The following TOGARAM1 variants were observed in gnomAD, a reference collection of about 807,000 sequenced individuals.
TOGARAM1 encodes TOG array regulator of axonemal microtubules protein 1.
TOGARAM1 carries 100 observed loss-of-function variants against 166.6 expected under a neutral mutation model. The observed-to-expected ratio is 0.60, with a 90% confidence interval of 0.51 to 0.71. TOGARAM1 has a LOEUF of 0.71. Among genes scored for constraint, TOGARAM1 ranks in the 30% least tolerant of loss-of-function variants. The pLI is 0.00. For missense variants in TOGARAM1, 2,029 were observed against 2,102.7 expected (o/e 0.96, Z 0.69); for synonymous variants, 758 against 763.8 (o/e 0.99, Z 0.13).
At chr14:44,973,257 C>CT (rs1054093803) in intron 1 of TOGARAM1, among the ~76,000 whole-genome samples, 7 of 151,006 alleles carry the variant, frequency 4.6e-5, no homozygotes, top group African/African-American at 1.7e-4. Context: ...TTTTAAATTA[C>CT]TTTTTTTTAG....
At chr14:45,055,754 A>C (rs910370413) in intron 16 of TOGARAM1, among the ~76,000 whole-genome samples, 1 of 146,130 alleles carries the variant, frequency 6.8e-6, no homozygotes, top group Non-Finnish European at 1.5e-5. Context: ...CAGTGAGCTG[A>C]GATCACGCCA....
At chr14:45,002,078 T>C (rs1887714517) in intron 3 of TOGARAM1, among the ~76,000 whole-genome samples, 1 of 152,194 alleles carries the variant, frequency 6.6e-6, no homozygotes, top group African/African-American at 2.4e-5. Context: ...TTGAAATTAG[T>C]AGAGAAGATT....
intron 11 of TOGARAM1, among the ~76,000 whole-genome samples, chr14:45,038,075 G>T (rs1283961111): frequency 6.6e-6 from 1 of 152,130 alleles, no homozygotes. Flanking sequence ...ACACTTCTTT[G>T]TATGTATTTT....
intron 1 of TOGARAM1, among the ~76,000 whole-genome samples, chr14:44,977,289 T>C (rs924798137): frequency 7.5e-5 from 11 of 147,118 alleles, no homozygotes; most frequent in African/African-American, 2.0e-4. Context: ...GGCTGGAGTG[T>C]AGTAGTGTGA....
chr14:45,040,418 C>T (rs1881667893), intron 11 of TOGARAM1, among the ~76,000 whole-genome samples: 2 of 151,890 alleles, frequency 1.3e-5, no homozygotes, highest in Non-Finnish European at 2.9e-5. Flanking sequence ...ACATGAAGCC[C>T]AAAGTAAGCA....
intron 16 of TOGARAM1, among the ~76,000 whole-genome samples, chr14:45,055,800 C>CAAAA (rs35535638): frequency 1.2e-3 from 56 of 47,280 alleles, no homozygotes; most frequent in African/African-American, 3.9e-3. Context: ...GACTCCATCT[C>CAAAA]AAAAAAAAAA....
intron 1 of TOGARAM1, among the ~76,000 whole-genome samples, chr14:44,973,334 A>T (rs1885997246): frequency 6.6e-6 from 1 of 151,882 alleles, no homozygotes; most frequent in Non-Finnish European, 1.5e-5. Flanking sequence ...CAGTAACAAT[A>T]TACTGCTTCA....
Position 45,074,157 on chromosome 14 carries a change from C to T in TOGARAM1, c.*596C>T, listed in dbSNP as rs879636394. 3 of 152,588 alleles carry T rather than the reference C, an allele frequency of 2.0e-5. No individual in the cohort carries two copies. The highest frequency in any genetic ancestry group is 4.4e-5 in the Non-Finnish European group (3 of 68,030). 9.5% of individuals were successfully genotyped at this position (152,588 alleles called of 1,614,324 possible). ...TGAAATTTAACAAGTTATAATAAAG[C>T]ATGACAACCAAAGTTTTAGAAAACA... On this transcript the variant is annotated 3_prime_UTR_variant, in exon 20 of 20. Transcript: ENST00000361462.
intron 1 of TOGARAM1, among the ~76,000 whole-genome samples, chr14:44,993,105 A>C (rs1887234326): frequency 6.6e-6 from 1 of 151,358 alleles, no homozygotes; most frequent in Admixed American, 6.6e-5. Flanking sequence ...AAATAAAGTA[A>C]AATAAAATAA....
At chr14:44,968,815 G>A (rs116079344) in intron 1 of TOGARAM1, among the ~76,000 whole-genome samples, 217 of 152,194 alleles carry the variant, frequency 1.4e-3, no homozygotes, top group African/African-American at 5.1e-3. Flanking sequence ...CATTCTGTGG[G>A]GTTTTGACAA....
chr14:44,999,172 C>T lies in TOGARAM1; in HGVS notation c.2204-191C>T, dbSNP rs1216634785. On this transcript the variant is annotated intron_variant, in intron 2 of 19. Transcript: ENST00000361462. ...GTTCTTTACTAGTCTGTCTTCTGTC[C>T]TTTAATTCCTGCCACTAATCTGATT... Among the ~76,000 whole-genome samples the T allele has an allele frequency of 3.9e-5, 6 of 152,164 alleles. No individual in the cohort carries two copies. The East Asian group carries it at 1.2e-3, about 29-fold the overall frequency.
chr14:45,051,326 TTGACTC>T (rs1882353913), intron 14 of TOGARAM1, among the ~76,000 whole-genome samples: 1 of 151,818 alleles, frequency 6.6e-6, no homozygotes, highest in African/African-American at 2.4e-5. Context: ...CTAGGGAGGG[TTGACTC>T]AGGCCAGAAC....
chr14:45,059,298 T>C (rs779324268), intron 16 of TOGARAM1, among the ~76,000 whole-genome samples: 1 of 152,094 alleles, frequency 6.6e-6, no homozygotes, highest in Non-Finnish European at 1.5e-5. Flanking sequence ...CCACGTTAGC[T>C]TTCCAAACTG....
intron 5 of TOGARAM1, 57 bp from the exon 6 acceptor site, chr14:45,008,856 C>G: frequency 7.1e-7 from 1 of 1,410,710 alleles, no homozygotes; most frequent in Non-Finnish European, 9.7e-7. Context: ...TTAAGGATAA[C>G]TTTTACCAAT....
At chr14:44,998,534 A>T (rs1784640271) in intron 2 of TOGARAM1, among the ~76,000 whole-genome samples, 1 of 152,348 alleles carries the variant, frequency 6.6e-6, no homozygotes, top group East Asian at 1.9e-4. Context: ...TAAATAACTG[A>T]GGCAGGAAGA....
intron 7 of TOGARAM1, among the ~76,000 whole-genome samples, chr14:45,016,176 A>G (rs933412832): frequency 6.6e-6 from 1 of 152,132 alleles, no homozygotes; most frequent in Non-Finnish European, 1.5e-5. Context: ...TAGGCAGATC[A>G]CTTGAGCTCA....
At chr14:45,045,539 G>GTA (rs1566659954) in intron 13 of TOGARAM1, among the ~76,000 whole-genome samples, 6 of 12,000 alleles carry the variant, frequency 5.0e-4, no homozygotes, top group Non-Finnish European at 5.4e-4. Context: ...CATGGTCTGT[G>GTA]TGTGTATATA....
intron 7 of TOGARAM1, among the ~76,000 whole-genome samples, chr14:45,012,333 T>C (rs774782142): frequency 3.3e-5 from 5 of 152,192 alleles, no homozygotes; most frequent in Non-Finnish European, 7.3e-5. Context: ...CTAGATTTTT[T>C]ATGTAGTTGG....
At chr14:45,031,930 C>T (rs748408808) in intron 10 of TOGARAM1, among the ~76,000 whole-genome samples, 3 of 152,004 alleles carry the variant, frequency 2.0e-5, no homozygotes, top group Admixed American at 6.6e-5. Flanking sequence ...GAGGCTGAGG[C>T]GGATGGATTG....
Sources: allele counts gnomAD v4.1 joint callset (sites outside exome capture counted in the v4.1 genomes callset), GRCh38; gene constraint gnomAD v4.1.1; transcripts MANE v1.5; gene names NCBI Gene and HGNC (gene_info 2026-07-23, HGNC 2026-07-21).